The following ZNF717 variants were observed in gnomAD, a reference collection of about 807,000 sequenced individuals.
ZNF717 encodes the protein krueppel-like factor X17.
A neutral mutation model predicts 13.8 loss-of-function variants in ZNF717; 9 were observed. The ratio of observed to expected loss-of-function variants is 0.65; its 90% CI spans 0.39 to 1.14. ZNF717 has a LOEUF of 1.14. Among genes scored for constraint, ZNF717 ranks in the 50% most tolerant of loss-of-function variants. The pLI is 0.01. For synonymous variants in ZNF717, 327 were observed against 364.1 expected, an observed-to-expected ratio of 0.90 and a Z score of 1.16; for missense variants, 1,040 against 1,080.7, an observed-to-expected ratio of 0.96 and a Z score of 0.53.
intron 4 of ZNF717, among the ~76,000 whole-genome samples, chr3:75,740,715 T>C (rs1458650621): frequency 4.6e-5 from 7 of 152,236 alleles, no homozygotes; most frequent in African/African-American, 1.4e-4. Context: ...CCTGTAGTCC[T>C]AGCTACTTGG....
At chr3:75,732,503 TA>T (rs1938655833), downstream of ZNF717, among the ~76,000 whole-genome samples, 1 of 152,308 alleles carries the variant, frequency 6.6e-6, no homozygotes, top group East Asian at 1.9e-4. Flanking sequence ...CTTTGAAAGG[TA>T]ATGGCAAAGC....
chr3:75,701,272 G>A (rs1937690304), intron 6 of ZNF717, among the ~76,000 whole-genome samples: 1 of 152,300 alleles, frequency 6.6e-6, no homozygotes, highest in African/African-American at 2.4e-5. Flanking sequence ...CTCGTCTGGT[G>A]TCATATAAGA....
intron 2 of ZNF717, among the ~76,000 whole-genome samples, chr3:75,755,550 G>T (rs1359104563): frequency 1.3e-5 from 2 of 150,876 alleles, no homozygotes; most frequent in African/African-American, 4.9e-5. Context: ...GTGAAATAAA[G>T]AATAATAATA....
intron 2 of ZNF717, among the ~76,000 whole-genome samples, chr3:75,755,456 T>C (rs1434768030): frequency 1.3e-5 from 2 of 150,528 alleles, no homozygotes; most frequent in Non-Finnish European, 1.5e-5. Flanking sequence ...AATAAAAACA[T>C]GTATTTATTC....
At chr3:75,752,488 T>G (rs1001903713) in intron 2 of ZNF717, among the ~76,000 whole-genome samples, 1 of 141,194 alleles carries the variant, frequency 7.1e-6, no homozygotes, top group Non-Finnish European at 1.6e-5. Context: ...ACTCCTGCTG[T>G]GGTCTGAATA....
At chr3:75,727,177 T>C (rs1303967155), downstream of ZNF717, among the ~76,000 whole-genome samples, 1 of 152,284 alleles carries the variant, frequency 6.6e-6, no homozygotes, top group Non-Finnish European at 1.5e-5. Context: ...GCTGAGGATG[T>C]ATGTCGCCTC....
exon 6 of ZNF717, chr3:75,710,069 C>G (rs11708553): frequency 0.33 from 49,406 of 150,840 alleles, 9,260 homozygotes; most frequent in Non-Finnish European, 0.43. Flanking sequence ...TTTGTCTGTT[C>G]TGTAGTCTTT....
At chr3:75,749,662 A>G (rs2107353007) in intron 2 of ZNF717, among the ~76,000 whole-genome samples, 1 of 152,140 alleles carries the variant, frequency 6.6e-6, no homozygotes, top group East Asian at 1.9e-4. Flanking sequence ...AGGATTCCAA[A>G]ACACTGCTGC....
chr3:75,700,391 GAAAA>G (rs35600771), intron 6 of ZNF717, among the ~76,000 whole-genome samples: 1 of 113,726 alleles, frequency 8.8e-6, no homozygotes, highest in Non-Finnish European at 1.7e-5. Flanking sequence ...AGACACCATC[GAAAA>G]AAAAAAAAAA....
chr3:75,704,050 T>G (rs1937750461), intron 6 of ZNF717, among the ~76,000 whole-genome samples: 1 of 152,360 alleles, frequency 6.6e-6, no homozygotes, highest in Non-Finnish European at 1.5e-5. Context: ...CTTAGGACAG[T>G]GGGTTAATGG....
intron 6 of ZNF717, among the ~76,000 whole-genome samples, chr3:75,698,334 G>T (rs188249844): frequency 7.3e-3 from 1,051 of 144,134 alleles, no homozygotes; most frequent in South Asian, 0.069. Flanking sequence ...AGCAAGTGTT[G>T]ATAGCCAAGA....
chr3:75,708,803 T>C (rs1575714721), downstream of ZNF717, among the ~76,000 whole-genome samples: 1 of 152,314 alleles, frequency 6.6e-6, no homozygotes, highest in East Asian at 1.9e-4. Context: ...CTGAGTTATT[T>C]ATAAATGAAA....
At chr3:75,771,616 C>T (rs185591831) in intron 2 of ZNF717, among the ~76,000 whole-genome samples, 72 of 149,058 alleles carry the variant, frequency 4.8e-4, no homozygotes, top group South Asian at 2.6e-3. Flanking sequence ...TGTCAGCAGG[C>T]GCCCAAGTGG....
At chr3:75,746,955 T>C (rs1319977128) in intron 2 of ZNF717, among the ~76,000 whole-genome samples, 1 of 152,224 alleles carries the variant, frequency 6.6e-6, no homozygotes, top group African/African-American at 2.4e-5. Context: ...ATGTCTTGAA[T>C]GGTATTGACT....
chr3:75,724,567 T>G (rs368309100), intron 4 of ZNF717, among the ~76,000 whole-genome samples: 273 of 152,356 alleles, frequency 1.8e-3, no homozygotes, highest in African/African-American at 5.9e-3. Context: ...TTCTTACCAT[T>G]TTATCAAACA....
intron 2 of ZNF717, among the ~76,000 whole-genome samples, chr3:75,755,072 C>T (rs922950368): frequency 6.6e-6 from 1 of 151,286 alleles, no homozygotes; most frequent in Non-Finnish European, 1.5e-5. Context: ...AAAAACCCAC[C>T]AACCTAAGTT....
At chr3:75,702,207 G>T (rs1416841847) in intron 6 of ZNF717, among the ~76,000 whole-genome samples, 667 of 145,002 alleles carry the variant, frequency 4.6e-3, no homozygotes, top group African/African-American at 0.018. Context: ...GCCAAGATTT[G>T]GAAGGAACCT....
At position 75,737,363 on chromosome 3, in the gene ZNF717, C is replaced by T. The variant is rs575574342; in HGVS notation, c.2260G>A (p.Gly754Arg). Residue 754 changes from glycine (G) to arginine (R), a missense_variant, in exon 5 of 5, where the codon GGA becomes AGA. Around this residue, in one of 3 missense-constraint regions of ZNF717, gnomAD observed 873 missense variants for 832.8 expected, o/e 1.05. Coordinates refer to ENST00000652011, the MANE Select transcript of ZNF717 (RefSeq NM_001290208.3). ...VLTVHHRTHTGEKPYECNECG... is the reference protein window; with the variant it reads ...VLTVHHRTHTREKPYECNECG... The stretch of plus-strand genomic sequence containing the variant: ...TCATTACATTCATAAGGTTTTTCTC[C>T]GGTATGGGTTCTATGATGTACAGTG... 4.0e-4 allele frequency: 627 copies of T among 1,552,616 alleles called. 2 individuals carry two copies. In the South Asian group the frequency reaches 5.4e-3, roughly 13 times the overall value.
downstream of ZNF717, among the ~76,000 whole-genome samples, chr3:75,728,710 G>T (rs1370953781): frequency 3.3e-5 from 5 of 152,236 alleles, no homozygotes; most frequent in African/African-American, 7.2e-5. Flanking sequence ...TGCCATTATT[G>T]TAAGTTTCCT....
Sources: allele counts gnomAD v4.1 joint callset (sites outside exome capture counted in the v4.1 genomes callset), GRCh38; gene constraint gnomAD v4.1.1; regional missense constraint gnomAD v4.1.1; transcripts MANE v1.5; gene names NCBI Gene and HGNC (gene_info 2026-07-23, HGNC 2026-07-21).